Variants in FA2H observed in about 807,000 individuals in gnomAD.
The protein encoded by FA2H is fatty acid 2-hydroxylase.
A neutral mutation model predicts 44.9 loss-of-function variants in FA2H; 22 were observed. The observed-to-expected ratio is 0.49, with a 90% confidence interval of 0.35 to 0.70. FA2H has a LOEUF of 0.70. Among genes scored for constraint, FA2H ranks in the 30% least tolerant of loss-of-function variants. The probability of loss-of-function intolerance (pLI) is 0.01; values close to 1 mark genes in which losing one functional copy is unlikely to be tolerated. For missense variants in FA2H, 501 were observed against 504.9 expected, an observed-to-expected ratio of 0.99 and a Z score of 0.07; for synonymous variants, 243 against 213.2, an observed-to-expected ratio of 1.14 and a Z score of -1.22.
At chr16:74,748,534 G>C (rs1366290901) in intron 1 of FA2H, among the ~76,000 whole-genome samples, 1 of 152,116 alleles carries the variant, frequency 6.6e-6, no homozygotes, top group Admixed American at 6.5e-5. Flanking sequence ...TCCGAGGGCT[G>C]TTCCCGGGAA....
intron 2 of FA2H, among the ~76,000 whole-genome samples, chr16:74,731,538 T>C (rs1158694059): frequency 6.6e-6 from 1 of 152,190 alleles, no homozygotes; most frequent in Non-Finnish European, 1.5e-5. Flanking sequence ...CCTTCTTTTT[T>C]TGAGACAGGG....
At chr16:74,763,547 C>T (rs574479265) in intron 1 of FA2H, among the ~76,000 whole-genome samples, 4 of 152,328 alleles carry the variant, frequency 2.6e-5, no homozygotes, top group South Asian at 2.1e-4. Context: ...CGTGCGCCAC[C>T]GTGCCCGGCC....
chr16:74,742,627 AG>A, intron 1 of FA2H, among the ~76,000 whole-genome samples: 1 of 152,296 alleles, frequency 6.6e-6, no homozygotes, highest in South Asian at 2.1e-4. Flanking sequence ...TAAGGCCAGG[AG>A]TTCGAGACCA....
chr16:74,735,587 C>A (rs543488148), intron 2 of FA2H, among the ~76,000 whole-genome samples: 2 of 152,178 alleles, frequency 1.3e-5, no homozygotes, highest in Non-Finnish European at 2.9e-5. Context: ...TGAAGACGAG[C>A]GAAGGGAGCC....
chr16:74,759,490 T>G (rs1271069116), intron 1 of FA2H, among the ~76,000 whole-genome samples: 1 of 152,200 alleles, frequency 6.6e-6, no homozygotes, highest in African/African-American at 2.4e-5. Flanking sequence ...CACTCCTTTT[T>G]CCATTCTTCC....
Position 74,771,379 on chromosome 16 carries a change from T to G in FA2H, c.270+3107A>C, listed in dbSNP as rs539312738. Reference sequence around the variant, plus strand: ...CTAATTTTTGTATTTTTAGCAGAGATAAGATTTTACCGTGTTGCCCAGGCT... The same window carrying G: ...CTAATTTTTGTATTTTTAGCAGAGAGAAGATTTTACCGTGTTGCCCAGGCT... On this transcript the variant is annotated intron_variant, in intron 1 of 6. Transcript: ENST00000219368. Among the ~76,000 whole-genome samples, 8 of 151,912 alleles carry G rather than the reference T, an allele frequency of 5.3e-5. No homozygotes were observed. The South Asian group carries it at 1.7e-3, about 32-fold the overall frequency.
intron 4 of FA2H, 64 bp downstream of exon 4, chr16:74,726,161 G>A: frequency 8.9e-7 from 1 of 1,126,682 alleles, no homozygotes; most frequent in South Asian, 1.3e-5. Flanking sequence ...CTGGGCCAGG[G>A]AAAGCACTGA....
intron 1 of FA2H, among the ~76,000 whole-genome samples, chr16:74,752,852 A>G (rs901224213): frequency 6.6e-6 from 1 of 152,174 alleles, no homozygotes; most frequent in Non-Finnish European, 1.5e-5. Flanking sequence ...GTCCAGGTGA[A>G]GATGGAGTGA....
intron 6 of FA2H, 25 bp downstream of exon 6, chr16:74,716,322 C>T (rs1298794390): frequency 1.2e-6 from 2 of 1,611,674 alleles, no homozygotes; most frequent in Non-Finnish European, 1.7e-6. Context: ...ACATAGGGGG[C>T]TGGGAAGCAC....
intron 5 of FA2H, chr16:74,716,849 G>A (rs1164945163): frequency 1.9e-6 from 1 of 520,166 alleles, no homozygotes; most frequent in Admixed American, 3.2e-5. Flanking sequence ...TGGGCGGGAT[G>A]GGCAGGATGG....
chr16:74,742,780 A>T (rs1033446926), intron 1 of FA2H, among the ~76,000 whole-genome samples: 1 of 152,150 alleles, frequency 6.6e-6, no homozygotes, highest in African/African-American at 2.4e-5. Flanking sequence ...TGAGGCTATG[A>T]GTGAGCTATG....
chr16:74,774,692 C>T lies in FA2H; in HGVS notation c.64G>A (p.Ala22Thr), dbSNP rs970436944. 11 of 1,379,608 alleles carry T rather than the reference C, an allele frequency of 8.0e-6. No individual in the cohort carries two copies. Among genetic ancestry groups the T allele is most frequent in the Non-Finnish European group, 8.4e-6 (9 of 1,073,070 alleles). 85.5% of individuals were successfully genotyped at this position (1,379,608 alleles called of 1,614,324 possible). ...SPSEVQRRLA[A>T]GACWVRRGAR... ...CCGCGGCGGACCCAGCACGCGCCGGCCGCCAGGCGCCGCTGGACCTCGGAG... is the reference window on the plus strand; with the variant it reads ...CCGCGGCGGACCCAGCACGCGCCGGTCGCCAGGCGCCGCTGGACCTCGGAG... The change falls in exon 1 of 7, where the codon GCC becomes ACC. Residue 22 changes from alanine (A) to threonine (T), a missense_variant. Coordinates refer to ENST00000219368, the MANE Select transcript of FA2H (RefSeq NM_024306.5).
At chr16:74,717,745 G>A (rs1961739121) in intron 5 of FA2H, among the ~76,000 whole-genome samples, 1 of 152,216 alleles carries the variant, frequency 6.6e-6, no homozygotes, top group African/African-American at 2.4e-5. Context: ...TGGACAGACT[G>A]GGGTGGAAGT....
At chr16:74,729,984 C>T (rs8060501) in intron 2 of FA2H, among the ~76,000 whole-genome samples, 257 of 152,192 alleles carry the variant, frequency 1.7e-3, no homozygotes, top group African/African-American at 5.3e-3. Context: ...CAAGCCTGGA[C>T]GAAACAGCCA....
chr16:74,724,021 C>G (rs1371353141), intron 4 of FA2H, among the ~76,000 whole-genome samples: 1 of 152,132 alleles, frequency 6.6e-6, no homozygotes, highest in Admixed American at 6.5e-5. Context: ...CCTGCCTCAG[C>G]CTTCCAAGTA....
intron 1 of FA2H, among the ~76,000 whole-genome samples, chr16:74,748,853 C>T (rs897529814): frequency 6.6e-6 from 1 of 152,210 alleles, no homozygotes; most frequent in African/African-American, 2.4e-5. Flanking sequence ...GACAGATGGC[C>T]TTTTATCCCA....
intron 2 of FA2H, among the ~76,000 whole-genome samples, chr16:74,734,797 A>G (rs556339227): frequency 1.4e-3 from 217 of 152,308 alleles, no homozygotes; most frequent in African/African-American, 5.1e-3. Context: ...AAATGTGGTG[A>G]GCGGGGGCAG....
chr16:74,747,354 GAA>G (rs1165506497), intron 1 of FA2H, among the ~76,000 whole-genome samples: 1 of 120,944 alleles, frequency 8.3e-6, no homozygotes, highest in Admixed American at 8.4e-5. Flanking sequence ...AAGAAAGAAA[GAA>G]AAGTGACAAA....
Position 74,714,210 on chromosome 16 carries a change from G to T in FA2H, c.1099C>A (p.Pro367Thr), listed in dbSNP as rs1239987258. The change falls in exon 7 of 7, where the codon CCC becomes ACC. Residue 367 changes from proline (P) to threonine (T), a missense_variant. Transcript: ENST00000219368. ...AGTTGTCACTGCGTCTTCAGGTGGG[G>T]TTTCTCTGGAGTGAGGGTGTGGAAA... ...YCFHTLTPEK[P>T]HLKTQ is the part of the protein sequence containing the mutation. 5 of 1,565,228 alleles carry T rather than the reference G, an allele frequency of 3.2e-6. No individual in the cohort carries two copies. Among genetic ancestry groups the T allele is most frequent in the Non-Finnish European group, 4.3e-6 (5 of 1,154,394 alleles).
Sources: gnomAD v4.1 joint callset for allele counts (sites outside exome capture counted in the v4.1 genomes callset) on GRCh38, gnomAD v4.1.1 for gene constraint, MANE v1.5 for transcripts, NCBI Gene and HGNC (gene_info 2026-07-23, HGNC 2026-07-21) for gene names.